Variants in SEMA3C observed in about 807,000 individuals in gnomAD.
The protein encoded by SEMA3C is semaphorin 3C.
SEMA3C carries 47 observed loss-of-function variants against 89.4 expected under a neutral mutation model. That is an observed-to-expected ratio of 0.53 (90% CI 0.42 to 0.67). The LOEUF is 0.67. Among genes scored for constraint, SEMA3C ranks in the 30% least tolerant of loss-of-function variants. The pLI is 0.00. For missense variants in SEMA3C, 839 were observed against 929.1 expected, an observed-to-expected ratio of 0.90 and a Z score of 1.26; for synonymous variants, 310 against 320.2, an observed-to-expected ratio of 0.97 and a Z score of 0.34.
At chr7:80,761,564 TAAC>T (rs1009434928) in intron 14 of SEMA3C, 49 bp downstream of exon 14, 22 of 992,198 alleles carry the variant, frequency 2.2e-5, no homozygotes, top group South Asian at 4.4e-5. Context: ...TAATTTTTCA[TAAC>T]AACAAAACAT....
At chr7:80,796,079 A>C (rs1789057304) in intron 11 of SEMA3C, among the ~76,000 whole-genome samples, 1 of 152,092 alleles carries the variant, frequency 6.6e-6, no homozygotes, top group African/African-American at 2.4e-5. Context: ...AATTTTGTTT[A>C]GTTTGCAAAT....
chr7:80,779,025 TA>T (rs1199138364), intron 12 of SEMA3C, among the ~76,000 whole-genome samples: 1 of 152,170 alleles, frequency 6.6e-6, no homozygotes, highest in Non-Finnish European at 1.5e-5. Flanking sequence ...CCCACATTGC[TA>T]ATGACTCCCA....
intron 2 of SEMA3C, among the ~76,000 whole-genome samples, chr7:80,869,265 G>A (rs1791000992): frequency 6.6e-6 from 1 of 152,162 alleles, no homozygotes; most frequent in South Asian, 2.1e-4. Context: ...TAATTAGCTA[G>A]CAAGATGTTA....
chr7:80,842,284 C>T (rs1055568824), intron 2 of SEMA3C, among the ~76,000 whole-genome samples: 9 of 152,236 alleles, frequency 5.9e-5, no homozygotes, highest in South Asian at 2.1e-4. Flanking sequence ...TGCTAGACTG[C>T]GAAACCATTT....
At chr7:80,759,585 G>A (rs1193501559) in intron 14 of SEMA3C, among the ~76,000 whole-genome samples, 1 of 152,130 alleles carries the variant, frequency 6.6e-6, no homozygotes, top group Non-Finnish European at 1.5e-5. Context: ...CACATAAAAT[G>A]CTTGGAATAG....
chr7:80,853,892 ATGTG>A (rs113692755), intron 2 of SEMA3C, among the ~76,000 whole-genome samples: 1,968 of 148,932 alleles, frequency 0.013, 12 homozygotes, highest in Non-Finnish European at 0.017. Context: ...CCCCATATAT[ATGTG>A]TGTGTGTGTG....
chr7:80,802,687 T>C lies in SEMA3C; in HGVS notation c.894A>G (p.Pro298=). The C allele has an allele frequency of 6.2e-7, 1 of 1,613,168 alleles. No homozygotes were observed. Among genetic ancestry groups the C allele is most frequent in the Non-Finnish European group, 8.5e-7 (1 of 1,179,228 alleles). The part of the protein sequence containing the change: ...LVCSVTDEDG[P]ETHFDELEDV... The stretch of plus-strand genomic sequence containing the variant: ...TACCTAATTCATCAAAGTGTGTTTC[T>C]GGGCCGTCTTCATCTGTTACCGAGC... The change falls in exon 9 of 18, where the codon CCA becomes CCG. Residue 298 remains proline, a synonymous_variant. Coordinates refer to ENST00000265361, the MANE Select transcript of SEMA3C (RefSeq NM_006379.5).
chr7:80,874,579 G>T (rs1425175739), intron 2 of SEMA3C, among the ~76,000 whole-genome samples: 1 of 151,796 alleles, frequency 6.6e-6, no homozygotes, highest in African/African-American at 2.4e-5. Context: ...CGATTCTCCT[G>T]CCTCAGCCTC....
At chr7:80,858,156 T>C (rs1790685329) in intron 2 of SEMA3C, among the ~76,000 whole-genome samples, 1 of 152,188 alleles carries the variant, frequency 6.6e-6, no homozygotes, top group Non-Finnish European at 1.5e-5. Context: ...AGATGGCTTA[T>C]ACTCCTAGTT....
intron 2 of SEMA3C, among the ~76,000 whole-genome samples, chr7:80,887,558 G>C (rs1791513055): frequency 6.6e-6 from 1 of 152,124 alleles, no homozygotes; most frequent in African/African-American, 2.4e-5. Flanking sequence ...ACAAATTACA[G>C]TATTAAACAA....
intron 14 of SEMA3C, among the ~76,000 whole-genome samples, chr7:80,758,913 G>A (rs1351013979): frequency 6.6e-6 from 1 of 152,078 alleles, no homozygotes; most frequent in Non-Finnish European, 1.5e-5. Flanking sequence ...AAAATAAAGG[G>A]CATTTTAAGT....
intron 12 of SEMA3C, among the ~76,000 whole-genome samples, chr7:80,774,779 G>A (rs1185298434): frequency 2.0e-5 from 3 of 151,990 alleles, no homozygotes; most frequent in African/African-American, 7.2e-5. Flanking sequence ...GAAGAATAGA[G>A]AGATTGGAGA....
chr7:80,815,773 C>G (rs546697757), intron 5 of SEMA3C, among the ~76,000 whole-genome samples: 1 of 152,154 alleles, frequency 6.6e-6, no homozygotes, highest in East Asian at 1.9e-4. Flanking sequence ...CACTCTTGGT[C>G]ACCTGTGATA....
chr7:80,872,627 C>T (rs1318842712), intron 2 of SEMA3C, among the ~76,000 whole-genome samples: 1 of 151,334 alleles, frequency 6.6e-6, no homozygotes, highest in Non-Finnish European at 1.5e-5. Flanking sequence ...TATGGTGAAA[C>T]CCATCTCTAC....
At chr7:80,896,623 G>C (rs923234318) in intron 2 of SEMA3C, among the ~76,000 whole-genome samples, 6 of 152,148 alleles carry the variant, frequency 3.9e-5, no homozygotes, top group Non-Finnish European at 7.4e-5. Flanking sequence ...AGGTGGAATA[G>C]GCTGTTTAGC....
intron 2 of SEMA3C, among the ~76,000 whole-genome samples, chr7:80,869,640 A>C (rs538611330): frequency 7.9e-4 from 121 of 152,318 alleles, no homozygotes; most frequent in African/African-American, 2.7e-3. Flanking sequence ...CACCTAAAAT[A>C]GCTTTTTGAT....
chr7:80,876,976 A>G (rs763930871), intron 2 of SEMA3C, among the ~76,000 whole-genome samples: 1 of 152,214 alleles, frequency 6.6e-6, no homozygotes, highest in Non-Finnish European at 1.5e-5. Context: ...AGAGATTCCA[A>G]TAATTACATC....
At chr7:80,771,867 A>C (rs1788442307) in intron 12 of SEMA3C, among the ~76,000 whole-genome samples, 1 of 152,162 alleles carries the variant, frequency 6.6e-6, no homozygotes, top group African/African-American at 2.4e-5. Context: ...ACAGTCACAC[A>C]AGTTCCTGTG....
At chr7:80,796,853 T>G (rs1402055617) in intron 11 of SEMA3C, among the ~76,000 whole-genome samples, 2 of 152,170 alleles carry the variant, frequency 1.3e-5, no homozygotes, top group Non-Finnish European at 2.9e-5. Context: ...GCTTTAAAAT[T>G]TTTGGAATAA....
Sources: gnomAD v4.1 joint callset for allele counts (sites outside exome capture counted in the v4.1 genomes callset) on GRCh38, gnomAD v4.1.1 for gene constraint, MANE v1.5 for transcripts, NCBI Gene and HGNC (gene_info 2026-07-23, HGNC 2026-07-21) for gene names.